Variants in HPSE2 observed in about 807,000 individuals in gnomAD.
The protein encoded by HPSE2 is inactive heparanase-2.
In HPSE2, 38 loss-of-function variants were observed where a neutral mutation model predicts 60.5. The observed-to-expected ratio is 0.63, with a 90% CI of 0.48 to 0.82. The LOEUF (loss-of-function observed/expected upper bound fraction) is 0.82. HPSE2 is among the 40% of genes least tolerant of loss of function. The pLI, the probability that HPSE2 is intolerant of heterozygous loss-of-function variation, is 0.00. For missense variants in HPSE2, 713 were observed against 740.4 expected (o/e 0.96, Z 0.43); for synonymous variants, 295 against 293.2 (o/e 1.01, Z -0.06).
chr10:98,978,631 G>A (rs2496711), intron 3 of HPSE2, among the ~76,000 whole-genome samples: 1,760 of 152,130 alleles, frequency 0.012, 7 homozygotes, highest in Non-Finnish European at 0.018. Context: ...TTTTCTTTAC[G>A]TAGGTATTCT....
intron 4 of HPSE2, among the ~76,000 whole-genome samples, chr10:98,733,618 G>C (rs893263125): frequency 6.6e-6 from 1 of 152,080 alleles, no homozygotes; most frequent in African/African-American, 2.4e-5. Context: ...TTCTTCACTT[G>C]TTTAATACTT....
chr10:98,870,899 A>T (rs918846841), intron 3 of HPSE2, among the ~76,000 whole-genome samples: 1 of 151,522 alleles, frequency 6.6e-6, no homozygotes, highest in African/African-American at 2.4e-5. Flanking sequence ...CCTTGCAGTA[A>T]TGAGTGAGTG....
chr10:98,916,119 CA>C (rs1373891240), intron 3 of HPSE2, among the ~76,000 whole-genome samples: 3 of 152,206 alleles, frequency 2.0e-5, no homozygotes, highest in African/African-American at 7.2e-5. Context: ...AAGACAGAAT[CA>C]GATTTAACCA....
chr10:99,232,527 G>C, intron 1 of HPSE2, 22 bp from the exon 2 acceptor site: 1 of 1,550,306 alleles, frequency 6.5e-7, no homozygotes, highest in Non-Finnish European at 8.7e-7. Context: ...GAGAATAAGA[G>C]AGGAAAGGTT....
chr10:99,216,725 T>A (rs1320970782), intron 2 of HPSE2, among the ~76,000 whole-genome samples: 1 of 152,218 alleles, frequency 6.6e-6, no homozygotes, highest in South Asian at 2.1e-4. Context: ...CATTTTTGTA[T>A]CCTATAAGGA....
chr10:98,541,288 A>C (rs1943449106), intron 9 of HPSE2, among the ~76,000 whole-genome samples: 1 of 152,204 alleles, frequency 6.6e-6, no homozygotes, highest in South Asian at 2.1e-4. Flanking sequence ...ATTTATTAAA[A>C]CATCGCAATT....
chr10:98,583,029 TA>T (rs750539899), intron 9 of HPSE2, among the ~76,000 whole-genome samples: 2 of 152,022 alleles, frequency 1.3e-5, no homozygotes, highest in Non-Finnish European at 2.9e-5. Flanking sequence ...CAACGAAGAC[TA>T]GGGGGGCATA....
intron 9 of HPSE2, among the ~76,000 whole-genome samples, chr10:98,600,901 A>ATGTGTGTGTATATATATG (rs1554950524): frequency 5.2e-5 from 5 of 95,862 alleles, no homozygotes; most frequent in African/African-American, 2.5e-4. Context: ...ACGTATATAT[A>ATGTGTGTGTATATATATG]TGTGTGTGTG....
intron 4 of HPSE2, among the ~76,000 whole-genome samples, chr10:98,727,667 A>C (rs149874870): frequency 0.014 from 2,071 of 148,866 alleles, 41 homozygotes; most frequent in African/African-American, 0.047. Context: ...AAAAAACAAA[A>C]AACAACAACA....
chr10:99,037,485 T>C lies in HPSE2; in HGVS notation c.610+106753A>G, dbSNP rs114539000. On this transcript the variant is annotated intron_variant, in intron 3 of 11. Transcript: ENST00000370552. ...AAAAGTTTAAAAAAGCATTTAGCTA[T>C]ATAGATTAACCTTAAAAACATAGAA... Among the ~76,000 whole-genome samples, 1,155 of 152,208 alleles carry C rather than the reference T, an allele frequency of 7.6e-3. 10 individuals carry two copies. The highest frequency in any genetic ancestry group is 0.024 in the African/African-American group (1,012 of 41,566).
chr10:99,254,839 G>A, the HPSE2 span, among the ~76,000 whole-genome samples: 1 of 152,090 alleles, frequency 6.6e-6, no homozygotes, highest in Non-Finnish European at 1.5e-5. Context: ...TACAAAATTT[G>A]TTTATATGAA....
At chr10:98,682,204 A>G (rs1469466018) in intron 6 of HPSE2, among the ~76,000 whole-genome samples, 1 of 151,096 alleles carries the variant, frequency 6.6e-6, no homozygotes, top group Non-Finnish European at 1.5e-5. Flanking sequence ...AGTGTGTGGC[A>G]CTCTCCCCTT....
intron 3 of HPSE2, among the ~76,000 whole-genome samples, chr10:98,920,385 G>A (rs1427119157): frequency 6.6e-6 from 1 of 152,034 alleles, no homozygotes; most frequent in African/African-American, 2.4e-5. Context: ...TACTCAGCAT[G>A]GATATTTCTC....
rs1459629105 is a variant in HPSE2 at position 99,126,869 on chromosome 10, C to G, written c.610+17369G>C. On this transcript the variant is annotated intron_variant, in intron 3 of 11. Coordinates refer to ENST00000370552, the MANE Select transcript of HPSE2 (RefSeq NM_021828.5). The surrounding 1 kb of genome is among the most constrained non-coding windows in gnomAD (Gnocchi z 4.0). ...ACCAGCTTGGAGCCTGGGAGCCCCACTTGATAGCGAGACCCAGAAGGGCAA... is the reference window on the plus strand; with the variant it reads ...ACCAGCTTGGAGCCTGGGAGCCCCAGTTGATAGCGAGACCCAGAAGGGCAA... Among the ~76,000 whole-genome samples, 1 of 152,084 alleles carries G rather than the reference C, an allele frequency of 6.6e-6. No homozygotes were observed. The highest frequency in any genetic ancestry group is 6.6e-5 in the Admixed American group (1 of 15,266).
intron 3 of HPSE2, among the ~76,000 whole-genome samples, chr10:98,797,780 G>T (rs764654880): frequency 7.2e-5 from 11 of 152,148 alleles, no homozygotes; most frequent in Non-Finnish European, 1.6e-4. Context: ...GGAGACGGAG[G>T]TTGCGGTGAG....
intron 3 of HPSE2, among the ~76,000 whole-genome samples, chr10:99,132,205 G>A (rs1328266438): frequency 0.013 from 244 of 19,218 alleles, 6 homozygotes; most frequent in Admixed American, 0.024. Context: ...GAGAGAGAGA[G>A]AGAGAGAGAG....
chr10:99,013,891 A>T (rs1957073581), intron 3 of HPSE2: 3 of 406,972 alleles, frequency 7.4e-6, no homozygotes, highest in South Asian at 5.8e-5. Context: ...CAGCCCAATA[A>T]TGATACTTTT....
At chr10:98,809,325 A>G (rs530642801) in intron 3 of HPSE2, among the ~76,000 whole-genome samples, 1 of 152,026 alleles carries the variant, frequency 6.6e-6, no homozygotes, top group Non-Finnish European at 1.5e-5. Flanking sequence ...TTTTTTGCAT[A>G]TGTTTAAAAT....
chr10:99,227,521 C>T (rs1849510556), intron 2 of HPSE2, among the ~76,000 whole-genome samples: 1 of 151,796 alleles, frequency 6.6e-6, no homozygotes, highest in African/African-American at 2.4e-5. Context: ...TGGTTAAAAT[C>T]ATGAAGAATG....
Sources: allele counts gnomAD v4.1 joint callset (sites outside exome capture counted in the v4.1 genomes callset), GRCh38; gene constraint gnomAD v4.1.1; non-coding constraint Gnocchi (gnomAD v3.1); transcripts MANE v1.5; gene names NCBI Gene and HGNC (gene_info 2026-07-23, HGNC 2026-07-21).